Variants in ZNF451 observed in about 807,000 individuals in gnomAD.
The protein encoded by ZNF451 is zinc finger protein 451.
In ZNF451, 80 loss-of-function variants were observed where a neutral mutation model predicts 107.1. That is an observed-to-expected ratio of 0.75 (90% CI 0.62 to 0.90). ZNF451 has a LOEUF of 0.90. Ranked by LOEUF, ZNF451 falls within the 40% of genes least tolerant of loss-of-function variation. ZNF451 has a pLI of 0.00. For synonymous variants in ZNF451, 362 were observed against 406.5 expected, an observed-to-expected ratio of 0.89 and a Z score of 1.32; for missense variants, 1,107 against 1,236.2, an observed-to-expected ratio of 0.90 and a Z score of 1.57.
intron 3 of ZNF451, chr6:57,100,679 C>A (rs759813620): frequency 6.5e-7 from 1 of 1,550,190 alleles, no homozygotes; most frequent in Non-Finnish European, 8.7e-7. Context: ...GTTCCTCTTC[C>A]CATTGGAGAT....
chr6:57,167,206 T>G (rs9475786), intron 14 of ZNF451, among the ~76,000 whole-genome samples: 1 of 150,376 alleles, frequency 6.6e-6, no homozygotes, highest in Non-Finnish European at 1.5e-5. Context: ...CACACACACA[T>G]ATATACATAT....
At chr6:57,145,128 T>A (rs1431493834) in intron 9 of ZNF451, among the ~76,000 whole-genome samples, 2 of 152,206 alleles carry the variant, frequency 1.3e-5, no homozygotes, top group African/African-American at 4.8e-5. Context: ...AGGTCTGTTC[T>A]CTCTGGAGTT....
rs398001706 is a variant in ZNF451 at position 57,163,436 on chromosome 6, CTTTTTTTTTTTTTTT to C, written c.3139+2302_3139+2316del. Among the ~76,000 whole-genome samples the C allele has an allele frequency of 1.5e-3, 45 of 30,344 alleles. 1 individual carries two copies. The South Asian group carries it at 0.021, about 14-fold the overall frequency. The allele number at this position is 30,344 out of a possible 152,430, so 19.9% of individuals were successfully genotyped here. On this transcript the variant is annotated intron_variant, in intron 14 of 14. Transcript: ENST00000370706. ...AATGGTTGCTTGTTAAATGAATAAA[CTTTTTTTTTTTTTTT>C]TTTTTTTTTTTTTTTTTGAGACGGA...
chr6:57,141,475 T>C lies in ZNF451; in HGVS notation c.856+20T>C. On this transcript the variant is annotated intron_variant, in intron 8 of 14. Transcript: ENST00000370706. ...TGGGTGGTATGTTAATACTCTCTTC[T>C]GCTGAAAATTAAACTACTTGAATCT... The C allele has an allele frequency of 6.3e-7, 1 of 1,584,456 alleles. No homozygotes were observed. Among genetic ancestry groups the C allele is most frequent in the Admixed American group, 1.7e-5 (1 of 58,022 alleles).
Position 57,170,030 on chromosome 6 carries a change from A to C in ZNF451, c.*1561A>C, listed in dbSNP as rs1764063919. The C allele has an allele frequency of 6.7e-6, 1 of 149,084 alleles. No homozygotes were observed. The highest frequency in any genetic ancestry group is 2.5e-5 in the African/African-American group (1 of 39,604). The allele number at this position is 149,084 out of a possible 1,614,324, so 9.2% of individuals were successfully genotyped here. A position where few individuals can be genotyped will look rare whatever the true frequency, so the allele number is the denominator to read the frequency against. ...TGATGGACACTGATGCTCTATTAAG[A>C]AGCTTTTGTGGTGTGTGTGGTAGAG... is the stretch of plus-strand genomic sequence containing the variant. On this transcript the variant is annotated 3_prime_UTR_variant, in exon 15 of 15. Transcript: ENST00000370706.
chr6:57,114,483 A>G (rs567731091), intron 3 of ZNF451, among the ~76,000 whole-genome samples: 7 of 152,200 alleles, frequency 4.6e-5, no homozygotes, highest in Non-Finnish European at 8.8e-5. Context: ...TATTTTCCCA[A>G]TAGCCATTAA....
intron 3 of ZNF451, chr6:57,102,660 A>G (rs1829663005): frequency 1.0e-6 from 1 of 985,342 alleles, no homozygotes; most frequent in South Asian, 4.7e-5. Flanking sequence ...GCTCTGTGAG[A>G]CTTCAGAATC....
intron 3 of ZNF451, among the ~76,000 whole-genome samples, chr6:57,099,996 C>T (rs758105352): frequency 5.3e-5 from 8 of 152,148 alleles, no homozygotes; most frequent in Admixed American, 1.3e-4. Context: ...CAAATAATAC[C>T]TACCTCACAG....
At chr6:57,143,997 G>C (rs1168104957) in intron 9 of ZNF451, among the ~76,000 whole-genome samples, 1 of 152,048 alleles carries the variant, frequency 6.6e-6, no homozygotes, top group African/African-American at 2.4e-5. Flanking sequence ...TCCAGAATAG[G>C]GAAATCTGTA....
chr6:57,132,942 C>G, intron 5 of ZNF451, 100 bp from the exon 6 acceptor site: 1 of 1,173,684 alleles, frequency 8.5e-7, no homozygotes, highest in Admixed American at 2.1e-5. Flanking sequence ...CCAGTTGATG[C>G]TATGTCATAA....
chr6:57,093,419 G>C (rs920573265), intron 2 of ZNF451, among the ~76,000 whole-genome samples: 1 of 152,146 alleles, frequency 6.6e-6, no homozygotes, highest in Admixed American at 6.5e-5. Context: ...TATTTGGCTG[G>C]GTGTCTTGGG....
chr6:57,144,948 T>C (rs1044974322), intron 9 of ZNF451, among the ~76,000 whole-genome samples: 2 of 152,110 alleles, frequency 1.3e-5, no homozygotes, highest in African/African-American at 2.4e-5. Flanking sequence ...AAAAAAGATA[T>C]GTGTGGCTTA....
intron 11 of ZNF451, among the ~76,000 whole-genome samples, chr6:57,151,623 T>C (rs1290884161): frequency 6.6e-6 from 1 of 152,214 alleles, no homozygotes; most frequent in Non-Finnish European, 1.5e-5. Context: ...ACTAATGTTA[T>C]TTTCAACATG....
At chr6:57,152,923 C>G (rs1005751066) in intron 12 of ZNF451, among the ~76,000 whole-genome samples, 1 of 152,120 alleles carries the variant, frequency 6.6e-6, no homozygotes, top group African/African-American at 2.4e-5. Context: ...TATATTAAGA[C>G]ACTTTCATAT....
chr6:57,101,482 A>C, intron 3 of ZNF451: 1 of 1,551,048 alleles, frequency 6.4e-7, no homozygotes, highest in South Asian at 1.2e-5. Flanking sequence ...AGAACACAGC[A>C]AAAGAGGAAA....
Position 57,118,818 on chromosome 6 carries a change from A to G in ZNF451, c.187-5916A>G, listed in dbSNP as rs78953475. 7.2e-4 allele frequency among the ~76,000 whole-genome samples: 109 copies of G among 152,278 alleles called. No individual in the cohort carries two copies. In the East Asian group the frequency reaches 0.016, roughly 22 times the overall value. On this transcript the variant is annotated intron_variant, in intron 3 of 14. Transcript: ENST00000370706. ...TTTTAAGGCAGATTTGCCTGTACTA[A>G]GGGATCAAAGTTTAGAAAAATAACT...
chr6:57,103,811 G>A, intron 3 of ZNF451: 1 of 985,146 alleles, frequency 1.0e-6, no homozygotes, highest in Admixed American at 6.2e-5. Flanking sequence ...GTTTTCTCTG[G>A]TGCCACACTT....
intron 12 of ZNF451, among the ~76,000 whole-genome samples, chr6:57,153,404 CTCTT>C (rs1484439632): frequency 1.3e-5 from 2 of 149,744 alleles, no homozygotes; most frequent in Non-Finnish European, 3.0e-5. Context: ...CTTTCTTTCT[CTCTT>C]TTTTTTTTTT....
intron 13 of ZNF451, 158 bp downstream of exon 13, chr6:57,154,205 A>T: frequency 2.8e-6 from 2 of 710,422 alleles, no homozygotes; most frequent in Non-Finnish European, 4.6e-6. Context: ...AAAAAATCTC[A>T]CTTTCATTCT....
Sources: allele counts gnomAD v4.1 joint callset (sites outside exome capture counted in the v4.1 genomes callset), GRCh38; gene constraint gnomAD v4.1.1; transcripts MANE v1.5; gene names NCBI Gene and HGNC (gene_info 2026-07-23, HGNC 2026-07-21).